Variants in ESRRG observed in about 807,000 individuals in gnomAD.
The protein encoded by ESRRG is estrogen related receptor gamma, also known as estrogen-related receptor gamma.
Under a neutral mutation model 44.0 loss-of-function variants are expected in ESRRG, and 13 were observed. That is an observed-to-expected ratio of 0.30 (90% CI 0.19 to 0.47). The LOEUF (loss-of-function observed/expected upper bound fraction) is 0.47. Among genes scored for constraint, ESRRG ranks in the 20% least tolerant of loss-of-function variants. The pLI is 1.00. For missense variants in ESRRG, 395 were observed against 580.6 expected (o/e 0.68, Z 3.29); for synonymous variants, 215 against 214.6 (o/e 1.00, Z -0.02).
intron 6 of ESRRG, among the ~76,000 whole-genome samples, chr1:216,511,679 A>T (rs1303001974): frequency 7.9e-5 from 12 of 152,208 alleles, no homozygotes; most frequent in Admixed American, 7.2e-4. Flanking sequence ...TTGAGTGCCC[A>T]GGTTGTAATC....
chr1:217,056,176 A>G (rs1055851491), intron 1 of ESRRG, among the ~76,000 whole-genome samples: 1 of 152,096 alleles, frequency 6.6e-6, no homozygotes, highest in East Asian at 1.9e-4. Context: ...CTGAATAACT[A>G]CTTGGAGCAG....
intron 1 of ESRRG, among the ~76,000 whole-genome samples, chr1:216,709,343 G>GTGTATATATATATATA (rs377260365): frequency 6.9e-6 from 1 of 145,370 alleles, no homozygotes; most frequent in African/African-American, 2.6e-5. Flanking sequence ...GTGTGTGTGT[G>GTGTATATATATATATA]TATATATATA....
intron 1 of ESRRG, among the ~76,000 whole-genome samples, chr1:217,108,537 G>C (rs2092625086): frequency 6.6e-6 from 1 of 152,066 alleles, no homozygotes; most frequent in Admixed American, 6.6e-5. Context: ...TGAGGTGATT[G>C]GATCATGGAG....
chr1:217,110,276 T>C (rs561279809), intron 1 of ESRRG, among the ~76,000 whole-genome samples: 2 of 152,350 alleles, frequency 1.3e-5, no homozygotes, highest in East Asian at 3.9e-4. Flanking sequence ...ATACCATTCC[T>C]GTGCTATGGC....
chr1:216,768,390 T>C (rs2093193511), intron 2 of ESRRG, among the ~76,000 whole-genome samples: 1 of 152,172 alleles, frequency 6.6e-6, no homozygotes. Flanking sequence ...ATCATCTTTA[T>C]TCATTGACTG....
At chr1:216,661,453 T>C (rs1456109997) in intron 2 of ESRRG, among the ~76,000 whole-genome samples, 1 of 152,182 alleles carries the variant, frequency 6.6e-6, no homozygotes, top group African/African-American at 2.4e-5. Context: ...GTTAATAAAA[T>C]ATTCTTGGAA....
chr1:216,546,956 GC>G (rs1280607677), intron 5 of ESRRG, among the ~76,000 whole-genome samples: 5 of 151,208 alleles, frequency 3.3e-5, no homozygotes, highest in Non-Finnish European at 4.4e-5. Flanking sequence ...CCCTCCCCTA[GC>G]CCCCCATCCC....
intron 2 of ESRRG, among the ~76,000 whole-genome samples, chr1:216,772,231 A>C (rs2093414053): frequency 6.6e-6 from 1 of 152,158 alleles, no homozygotes; most frequent in African/African-American, 2.4e-5. Flanking sequence ...AAACAAGCGA[A>C]GCATACCTGC....
chr1:216,735,548 C>A (rs2152166850), intron 2 of ESRRG, among the ~76,000 whole-genome samples: 1 of 152,220 alleles, frequency 6.6e-6, no homozygotes, highest in South Asian at 2.1e-4. Context: ...AATGGCAAAT[C>A]CCTGCCCTGC....
At chr1:216,710,539 A>G (rs766683183) in intron 1 of ESRRG, among the ~76,000 whole-genome samples, 2 of 152,164 alleles carry the variant, frequency 1.3e-5, no homozygotes, top group Non-Finnish European at 2.9e-5. Flanking sequence ...AAATTGATGC[A>G]AATAGTTTTT....
chr1:216,765,702 A>C (rs993724954), intron 2 of ESRRG, among the ~76,000 whole-genome samples: 2 of 152,144 alleles, frequency 1.3e-5, no homozygotes, highest in Non-Finnish European at 2.9e-5. Flanking sequence ...TGGTGTAGTC[A>C]GACACTAAGG....
At chr1:216,891,895 G>C (rs551204073) in intron 2 of ESRRG, among the ~76,000 whole-genome samples, 11 of 150,736 alleles carry the variant, frequency 7.3e-5, no homozygotes, top group Admixed American at 2.0e-4. Flanking sequence ...CACCTCCTGG[G>C]TTCAAGCAAT....
intron 3 of ESRRG, among the ~76,000 whole-genome samples, chr1:216,582,030 CT>C (rs2062874180): frequency 1.3e-5 from 2 of 152,170 alleles, no homozygotes. Context: ...AGAACTTACT[CT>C]TTTATTTATT....
intron 1 of ESRRG, among the ~76,000 whole-genome samples, chr1:216,722,964 A>G (rs1256044818): frequency 6.6e-6 from 1 of 152,206 alleles, no homozygotes; most frequent in African/African-American, 2.4e-5. Flanking sequence ...CCAAGTGCCT[A>G]TTCTTAGCAC....
chr1:217,128,025 T>C (rs1261752652), intron 1 of ESRRG, among the ~76,000 whole-genome samples: 1 of 152,198 alleles, frequency 6.6e-6, no homozygotes, highest in Non-Finnish European at 1.5e-5. Context: ...ATGTGCTCGC[T>C]GGCCACGCAA....
intron 3 of ESRRG, among the ~76,000 whole-genome samples, chr1:216,571,614 C>T (rs1558568742): frequency 6.6e-6 from 1 of 152,214 alleles, no homozygotes; most frequent in East Asian, 1.9e-4. Context: ...TCCCCCACAT[C>T]CCTTCCTGTG....
At chr1:216,762,787 A>G (rs2092864678) in intron 2 of ESRRG, among the ~76,000 whole-genome samples, 1 of 152,046 alleles carries the variant, frequency 6.6e-6, no homozygotes, top group Non-Finnish European at 1.5e-5. Context: ...TTTTTCTGCA[A>G]CAGTTCTTAG....
At position 216,907,343 on chromosome 1, in the gene ESRRG, C is replaced by G. The variant is rs534503808; in HGVS notation, c.-14+32239G>C. On this transcript the variant is annotated intron_variant, in intron 2 of 7. Coordinates refer to the ESRRG transcript ENST00000359162. Reference sequence around the variant, plus strand: ...ACTCCCACAGCCTGATGCACATTAACCAGATAATTAATAATTTCTTTAGGG... The same window carrying G: ...ACTCCCACAGCCTGATGCACATTAAGCAGATAATTAATAATTTCTTTAGGG... Among the ~76,000 whole-genome samples, 15 of 152,320 alleles carry G rather than the reference C, an allele frequency of 9.8e-5. 1 individual carries two copies. The East Asian group carries it at 2.9e-3, about 29-fold the overall frequency.
intron 1 of ESRRG, among the ~76,000 whole-genome samples, chr1:216,678,744 G>C (rs920295977): frequency 6.6e-6 from 1 of 152,200 alleles, no homozygotes; most frequent in African/African-American, 2.4e-5. Flanking sequence ...TGACAGTCAA[G>C]AAAGGGACTT....
Sources: allele counts gnomAD v4.1 joint callset (sites outside exome capture counted in the v4.1 genomes callset), GRCh38; gene constraint gnomAD v4.1.1; transcripts MANE v1.5; gene names NCBI Gene and HGNC (gene_info 2026-07-23, HGNC 2026-07-21).